PACSIN2: variants seen among roughly 807,000 people sequenced by gnomAD.
PACSIN2 encodes protein kinase C and casein kinase substrate in neurons protein 2.
Under a neutral mutation model 63.8 loss-of-function variants are expected in PACSIN2, and 25 were observed. The observed-to-expected ratio is 0.39, with a 90% confidence interval of 0.29 to 0.55. PACSIN2 has a LOEUF of 0.55. Ranked by LOEUF, PACSIN2 falls within the 20% of genes least tolerant of loss-of-function variation. The pLI, the probability that PACSIN2 is intolerant of heterozygous loss-of-function variation, is 0.62. For synonymous variants in PACSIN2, 255 were observed against 256.2 expected (o/e 1.00, Z 0.05); for missense variants, 518 against 646.9 (o/e 0.80, Z 2.16).
At chr22:42,915,310 A>G (rs777602289) in intron 1 of PACSIN2, among the ~76,000 whole-genome samples, 2 of 152,236 alleles carry the variant, frequency 1.3e-5, no homozygotes, top group Non-Finnish European at 2.9e-5. Flanking sequence ...CAGACAGGAC[A>G]TATGCTCTTA....
intron 1 of PACSIN2, among the ~76,000 whole-genome samples, chr22:42,929,050 C>T (rs530366177): frequency 2.6e-5 from 4 of 152,290 alleles, no homozygotes; most frequent in East Asian, 3.9e-4. Context: ...GAATTAAAGC[C>T]GAGTAATTAT....
intron 1 of PACSIN2, among the ~76,000 whole-genome samples, chr22:42,951,704 CCT>C (rs964802094): frequency 4.6e-5 from 7 of 152,222 alleles, no homozygotes; most frequent in Admixed American, 3.3e-4. Context: ...CTTCACACCA[CCT>C]CTGTCTCAGT....
rs754284663 is a variant in PACSIN2 at position 42,888,766 on chromosome 22, C to T, written c.486G>A (p.Ala162=). The T allele has an allele frequency of 2.1e-5, 34 of 1,614,022 alleles. No homozygotes were observed. The highest frequency in any genetic ancestry group is 8.0e-5 in the African/African-American group (6 of 74,898). The change falls in exon 5 of 11, where the codon GCG becomes GCA. Residue 162 remains alanine, a synonymous_variant. Coordinates refer to ENST00000263246, the MANE Select transcript of PACSIN2 (RefSeq NM_001184970.3). ...AGATAGCCAGCTTCTCCTCTTTGCA[C>T]GCTGCATGGTGGGCTTTCTTTGCTG... ...VEAAKKAHHA[A]CKEEKLAISR... is the part of the protein sequence containing the mutation.
intron 2 of PACSIN2, among the ~76,000 whole-genome samples, chr22:42,905,668 T>C (rs1463097736): frequency 1.3e-5 from 2 of 152,216 alleles, no homozygotes; most frequent in African/African-American, 4.8e-5. Flanking sequence ...GACAATGTTG[T>C]AGATGTCATA....
intron 1 of PACSIN2, among the ~76,000 whole-genome samples, chr22:43,014,395 GGGAA>G (rs146750402): frequency 6.4e-4 from 69 of 107,406 alleles, no homozygotes; most frequent in African/African-American, 2.5e-3. Context: ...CACGGAGGGT[GGGAA>G]GGAAGGAAAT....
At chr22:42,956,869 C>T (rs775709610) in intron 1 of PACSIN2, among the ~76,000 whole-genome samples, 1 of 152,046 alleles carries the variant, frequency 6.6e-6, no homozygotes, top group Admixed American at 6.5e-5. Flanking sequence ...CTAATGTGGG[C>T]AGAAGCTAGA....
chr22:42,946,360 C>T (rs957957531), intron 1 of PACSIN2, among the ~76,000 whole-genome samples: 2 of 152,204 alleles, frequency 1.3e-5, no homozygotes, highest in African/African-American at 2.4e-5. Context: ...GAAGCACTCA[C>T]TGACTGCCAC....
rs1928062494 is a variant in PACSIN2 at position 42,870,969 on chromosome 22, T to A, written c.*388A>T. ...CTCAAAATCTTCACTCAAAATGGGA[T>A]GTAAGCTTGTTCATTTAAGTTGCAG... On this transcript the variant is annotated 3_prime_UTR_variant, in exon 11 of 11. Coordinates refer to ENST00000263246, the MANE Select transcript of PACSIN2 (RefSeq NM_001184970.3). 1 of 215,486 alleles carries A rather than the reference T, an allele frequency of 4.6e-6. No individual in the cohort carries two copies. The highest frequency in any genetic ancestry group is 2.2e-5 in the African/African-American group (1 of 44,448). 13.3% of individuals were successfully genotyped at this position (215,486 alleles called of 1,614,324 possible). A position where few individuals can be genotyped will look rare whatever the true frequency, so the allele number is the denominator to read the frequency against.
chr22:42,942,783 C>T (rs1933230381), intron 1 of PACSIN2, among the ~76,000 whole-genome samples: 1 of 152,164 alleles, frequency 6.6e-6, no homozygotes, highest in African/African-American at 2.4e-5. Flanking sequence ...TCCTTATGCC[C>T]GCACCACACT....
chr22:42,871,368 C>T lies in PACSIN2; in HGVS notation c.1450G>A (p.Ala484Thr). 6.2e-7 allele frequency: 1 copy of T among 1,612,272 alleles called. No individual in the cohort carries two copies. The highest frequency in any genetic ancestry group is 8.5e-7 in the Non-Finnish European group (1 of 1,178,232). Reference sequence around the variant, plus strand: ...CTGTCCCCGACTCATCACTGGATCGCCTCCACATAATTTGCCGGGTATAGG... The same window carrying T: ...CTGTCCCCGACTCATCACTGGATCGTCTCCACATAATTTGCCGGGTATAGG... ...VGLYPANYVE[A>T]IQ The change falls in exon 11 of 11, where the codon GCG becomes ACG. Residue 484 changes from alanine to threonine, a missense_variant. Around this residue, in one of 2 missense-constraint regions of PACSIN2, gnomAD observed 11 missense variants for 34.6 expected, o/e 0.32. Coordinates refer to ENST00000263246, the MANE Select transcript of PACSIN2 (RefSeq NM_001184970.3). This position sits in a 1 kb window ranked among gnomAD's most constrained non-coding sequence, Gnocchi z 5.4.
chr22:42,885,715 T>A (rs1169302844), intron 5 of PACSIN2, among the ~76,000 whole-genome samples: 2 of 152,082 alleles, frequency 1.3e-5, no homozygotes, highest in Non-Finnish European at 2.9e-5. Flanking sequence ...TGAGACCAGG[T>A]TCCACCCCGC....
chr22:42,923,811 A>C (rs1261919322), intron 1 of PACSIN2, among the ~76,000 whole-genome samples: 1 of 152,058 alleles, frequency 6.6e-6, no homozygotes, highest in Non-Finnish European at 1.5e-5. Flanking sequence ...CTGAGGCGGG[A>C]GGTCTGCTTG....
intron 10 of PACSIN2, among the ~76,000 whole-genome samples, chr22:42,872,687 G>A (rs1165307943): frequency 1.3e-5 from 2 of 152,158 alleles, no homozygotes; most frequent in Non-Finnish European, 2.9e-5. Flanking sequence ...CCCTGGGCCT[G>A]TGGCCCTCAT....
At chr22:42,998,272 C>T (rs560320442) in intron 1 of PACSIN2, among the ~76,000 whole-genome samples, 1 of 152,160 alleles carries the variant, frequency 6.6e-6, no homozygotes, top group East Asian at 1.9e-4. Flanking sequence ...ATATAGGAAC[C>T]TTCTTTGCTG....
chr22:42,963,004 C>G (rs1427112810), intron 1 of PACSIN2, among the ~76,000 whole-genome samples: 1 of 152,232 alleles, frequency 6.6e-6, no homozygotes, highest in Admixed American at 6.5e-5. Context: ...CCCGACCACT[C>G]TTTAGGTGAT....
chr22:42,929,405 C>T (rs951588379), intron 1 of PACSIN2, among the ~76,000 whole-genome samples: 2 of 152,174 alleles, frequency 1.3e-5, no homozygotes, highest in African/African-American at 4.8e-5. Flanking sequence ...ACTCTGGGTC[C>T]CAGGACTTCT....
In PACSIN2 at chr22:43,008,148, C is replaced by A. The variant is rs563289719; in HGVS notation, c.-78+6873G>T. Among the ~76,000 whole-genome samples, 4 of 152,334 alleles carry A rather than the reference C, an allele frequency of 2.6e-5. No homozygotes were observed. In the South Asian group the frequency reaches 8.3e-4, roughly 32 times the overall value. On this transcript the variant is annotated intron_variant, in intron 1 of 10. Transcript: ENST00000263246. The stretch of plus-strand genomic sequence containing the variant: ...GTATTCAAAACAGCTTTCAGAAATA[C>A]ATCAGAAGTATTCTTTTAAAAAATA...
intron 2 of PACSIN2, among the ~76,000 whole-genome samples, chr22:42,899,851 G>A (rs547237150): frequency 6.6e-6 from 1 of 152,332 alleles, no homozygotes; most frequent in East Asian, 1.9e-4. Context: ...ATGATGTGGG[G>A]CATGATGCCA....
At chr22:42,985,803 C>G (rs1463166371) in intron 1 of PACSIN2, among the ~76,000 whole-genome samples, 2 of 152,306 alleles carry the variant, frequency 1.3e-5, no homozygotes, top group African/African-American at 4.8e-5. Flanking sequence ...TAACCCCTCC[C>G]CATGCAGGAA....
Sources: allele counts gnomAD v4.1 joint callset (sites outside exome capture counted in the v4.1 genomes callset), GRCh38; gene constraint gnomAD v4.1.1; regional missense constraint gnomAD v4.1.1; non-coding constraint Gnocchi (gnomAD v3.1); transcripts MANE v1.5; gene names NCBI Gene and HGNC (gene_info 2026-07-23, HGNC 2026-07-21).